ANKRD30B: variants seen among roughly 807,000 people sequenced by gnomAD.
ANKRD30B encodes the protein ankyrin repeat domain-containing protein 30B.
A neutral mutation model predicts 202.2 loss-of-function variants in ANKRD30B; 144 were observed. The observed-to-expected ratio is 0.71, with a 90% CI of 0.62 to 0.82. The LOEUF (loss-of-function observed/expected upper bound fraction) is 0.82, where lower values mean the gene tolerates loss of function less well. Among genes scored for constraint, ANKRD30B ranks in the 40% least tolerant of loss-of-function variants. The probability of loss-of-function intolerance (pLI) is 0.00; values close to 1 mark genes in which losing one functional copy is unlikely to be tolerated. For synonymous variants in ANKRD30B, 508 were observed against 561.3 expected, an observed-to-expected ratio of 0.91 and a Z score of 1.34; for missense variants, 1,487 against 1,669.1, an observed-to-expected ratio of 0.89 and a Z score of 1.90.
chr18:14,778,808 T>C (rs1290232299), intron 10 of ANKRD30B, among the ~76,000 whole-genome samples: 2 of 152,156 alleles, frequency 1.3e-5, no homozygotes, highest in African/African-American at 4.8e-5. Context: ...AGCAAGGGAA[T>C]AGCCTTTCCT....
the ANKRD30B span, among the ~76,000 whole-genome samples, chr18:14,871,059 C>CCT: frequency 8.6e-6 from 1 of 116,582 alleles, no homozygotes; most frequent in African/African-American, 3.5e-5. Context: ...ACACCCCCAC[C>CCT]CACACACCCC....
intron 30 of ANKRD30B, among the ~76,000 whole-genome samples, chr18:14,818,764 T>A (rs1367377817): frequency 6.6e-6 from 1 of 152,142 alleles, no homozygotes; most frequent in South Asian, 2.1e-4. Flanking sequence ...TCTATCATTG[T>A]TGGATATTTG....
At chr18:14,897,461 A>T in the ANKRD30B span, among the ~76,000 whole-genome samples, 4 of 152,154 alleles carry the variant, frequency 2.6e-5, no homozygotes, top group African/African-American at 9.7e-5. Flanking sequence ...GATTACAGGT[A>T]TGAGCCACCA....
chr18:14,805,804 A>T lies in ANKRD30B; in HGVS notation c.2284+1980A>T, dbSNP rs1969473605. 1.3e-5 allele frequency among the ~76,000 whole-genome samples: 2 copies of T among 150,202 alleles called. 1 individual carries two copies. Among genetic ancestry groups the T allele is most frequent in the South Asian group, 4.2e-4 (2 of 4,732 alleles). On this transcript the variant is annotated intron_variant, in intron 24 of 43. Transcript: ENST00000690538. ...AAGATCACTTATCTCCTCATCACTCAGCGTATACATATTGGCATTAACATT... is the reference window on the plus strand; with the variant it reads ...AAGATCACTTATCTCCTCATCACTCTGCGTATACATATTGGCATTAACATT...
At chr18:14,881,727 G>T in the ANKRD30B span, among the ~76,000 whole-genome samples, 1 of 151,790 alleles carries the variant, frequency 6.6e-6, no homozygotes, top group Non-Finnish European at 1.5e-5. Flanking sequence ...GAATCTGTCT[G>T]GTCCTCGGCT....
In ANKRD30B at chr18:14,851,573, T is replaced by C; in HGVS notation, c.3629T>C (p.Ile1210Thr). 1.3e-6 allele frequency: 2 copies of C among 1,594,372 alleles called. No homozygotes were observed. Among genetic ancestry groups the C allele is most frequent in the Non-Finnish European group, 1.7e-6 (2 of 1,174,364 alleles). The change falls in exon 42 of 44, where the codon ATT (isoleucine) becomes ACT (threonine). Residue 1210 changes from isoleucine to threonine, a missense_variant. Transcript: ENST00000690538. ...GAAAATTGCATGTTGAAAAAGGAAA[T>C]TGCCATGCTAAAACTGGAAGTAGCC... ...FHENCMLKKE[I>T]AMLKLEVATL...
At chr18:14,841,364 TG>T (rs200469090) in intron 37 of ANKRD30B, among the ~76,000 whole-genome samples, 2,000 of 152,326 alleles carry the variant, frequency 0.013, 50 homozygotes, top group African/African-American at 0.046. Flanking sequence ...TCTCAAGTGA[TG>T]CTGTTGCTGG....
intron 7 of ANKRD30B, among the ~76,000 whole-genome samples, chr18:14,766,088 A>G (rs1364384876): frequency 6.6e-6 from 1 of 152,160 alleles, no homozygotes; most frequent in Non-Finnish European, 1.5e-5. Flanking sequence ...TTTAGTTATT[A>G]TTGAGTTTAA....
chr18:14,939,116 G>T, the ANKRD30B span, among the ~76,000 whole-genome samples: 27 of 152,356 alleles, frequency 1.8e-4, no homozygotes, highest in Admixed American at 2.6e-4. Flanking sequence ...AATGCAGTTG[G>T]AAGGAAAGGG....
chr18:14,935,826 A>G, the ANKRD30B span, among the ~76,000 whole-genome samples: 1 of 152,228 alleles, frequency 6.6e-6, no homozygotes, highest in African/African-American at 2.4e-5. Context: ...GGCTGCACAC[A>G]GAGACTGTCT....
intron 8 of ANKRD30B, 101 bp from the exon 9 acceptor site, chr18:14,772,055 T>C (rs2143800704): frequency 1.5e-6 from 1 of 661,656 alleles, no homozygotes; most frequent in South Asian, 3.9e-5. Flanking sequence ...ATTTTGTTTT[T>C]TGTTTTCATT....
intron 15 of ANKRD30B, among the ~76,000 whole-genome samples, chr18:14,790,336 T>G (rs1292613088): frequency 6.6e-6 from 1 of 152,006 alleles, no homozygotes; most frequent in Non-Finnish European, 1.5e-5. Context: ...CATCTGCAAA[T>G]AGGGACAATT....
intron 32 of ANKRD30B, among the ~76,000 whole-genome samples, chr18:14,824,083 A>G (rs1970567703): frequency 6.7e-6 from 1 of 148,278 alleles, no homozygotes; most frequent in Admixed American, 6.9e-5. Flanking sequence ...AAATAGTTGT[A>G]CACTGTACAT....
At chr18:14,826,409 A>G (rs1970659273) in intron 32 of ANKRD30B, among the ~76,000 whole-genome samples, 1 of 152,166 alleles carries the variant, frequency 6.6e-6, no homozygotes, top group Non-Finnish European at 1.5e-5. Context: ...CAAAAGAATT[A>G]TTTTAGAGTT....
chr18:14,923,846 G>A, the ANKRD30B span, among the ~76,000 whole-genome samples: 2 of 152,282 alleles, frequency 1.3e-5, no homozygotes, highest in East Asian at 3.9e-4. Flanking sequence ...TCTAAAGCTG[G>A]GAGAGGGGTG....
chr18:14,774,263 A>T (rs1284886149), intron 9 of ANKRD30B, among the ~76,000 whole-genome samples: 1 of 152,152 alleles, frequency 6.6e-6, no homozygotes, highest in African/African-American at 2.4e-5. Context: ...TATGTGTTTC[A>T]TCATATATCT....
At chr18:14,904,190 T>C in the ANKRD30B span, among the ~76,000 whole-genome samples, 1 of 152,216 alleles carries the variant, frequency 6.6e-6, no homozygotes, top group Non-Finnish European at 1.5e-5. Context: ...GCCTAAAGTT[T>C]CTGGAAAACA....
At position 14,837,663 on chromosome 18, in the gene ANKRD30B, C is replaced by A; in HGVS notation, c.2975C>A (p.Thr992Asn). 1 of 1,539,502 alleles carries A rather than the reference C, an allele frequency of 6.5e-7. No individual in the cohort carries two copies. Among genetic ancestry groups the A allele is most frequent in the Non-Finnish European group, 8.7e-7 (1 of 1,144,518 alleles). Residue 992 changes from threonine (T) to asparagine (N), a missense_variant, in exon 36 of 44, where the codon ACT becomes AAT. By Grantham distance (65) the Thr-to-Asn change is moderately conservative. Around this residue, in one of 6 missense-constraint regions of ANKRD30B, gnomAD observed 218 missense variants for 320.1 expected, o/e 0.68. Transcript: ENST00000690538. ...ELGRKEDTKS[T>N]SDSEIISVSD... ...GGAAGAAAAGAAGATACAAAATCAA[C>A]TTCAGATTCTGAGGTACTGTGTATT...
At chr18:14,821,697 A>G (rs1400417238) in intron 30 of ANKRD30B, among the ~76,000 whole-genome samples, 1 of 152,088 alleles carries the variant, frequency 6.6e-6, no homozygotes, top group African/African-American at 2.4e-5. Context: ...GACTCGAGAG[A>G]TCCGCCCTCT....
Sources: gnomAD v4.1 joint callset for allele counts (sites outside exome capture counted in the v4.1 genomes callset) on GRCh38, gnomAD v4.1.1 for gene constraint, gnomAD v4.1.1 regional missense constraint, MANE v1.5 for transcripts, NCBI Gene and HGNC (gene_info 2026-07-23, HGNC 2026-07-21) for gene names.